P2RX1: variants seen among roughly 807,000 people sequenced by gnomAD.
P2RX1 encodes P2X purinoceptor 1.
In P2RX1, 42 loss-of-function variants were observed where a neutral mutation model predicts 50.3. That is an observed-to-expected ratio of 0.83 (90% confidence interval 0.65 to 1.08). P2RX1 has a LOEUF of 1.08. Among genes scored for constraint, P2RX1 ranks in the 50% least tolerant of loss-of-function variants. The probability of loss-of-function intolerance (pLI) is 0.00; values close to 1 mark genes in which losing one functional copy is unlikely to be tolerated. For missense variants in P2RX1, 449 were observed against 529.0 expected (o/e 0.85, Z 1.48); for synonymous variants, 199 against 202.6 (o/e 0.98, Z 0.15).
At chr17:3,899,813 T>C in intron 7 of P2RX1, 52 bp from the exon 8 acceptor site, 6 of 1,604,940 alleles carry the variant, frequency 3.7e-6, no homozygotes, top group Non-Finnish European at 4.3e-6. Context: ...CAAAAACCCC[T>C]GTCTCAGCCG....
intron 1 of P2RX1, chr17:3,915,505 G>T (rs1302152180): frequency 2.2e-6 from 1 of 456,592 alleles, no homozygotes; most frequent in South Asian, 1.5e-5. Context: ...GAGATGCCCA[G>T]AAAGGAACTA....
chr17:3,903,366 C>G lies in P2RX1; in HGVS notation c.606-23G>C. 1 of 1,613,846 alleles carries G rather than the reference C, an allele frequency of 6.2e-7. No homozygotes were observed. Among genetic ancestry groups the G allele is most frequent in the East Asian group, 2.2e-5 (1 of 44,882 alleles). On this transcript the variant is annotated intron_variant, in intron 6 of 11. Transcript: ENST00000225538. This position sits in a 1 kb window ranked among gnomAD's most constrained non-coding sequence, Gnocchi z 4.6. ...CGCCTGTGGGGGTGGAAGGTGTTGA[C>G]AGCTGCTGTGTGTCATCCGGGAGGG...
intron 1 of P2RX1, among the ~76,000 whole-genome samples, chr17:3,910,657 G>T (rs2056346965): frequency 6.6e-6 from 1 of 152,240 alleles, no homozygotes; most frequent in Non-Finnish European, 1.5e-5. Flanking sequence ...CCACAGGCAG[G>T]AGTTGACCAG....
chr17:3,909,905 C>T (rs923816942), intron 1 of P2RX1, among the ~76,000 whole-genome samples: 3 of 151,892 alleles, frequency 2.0e-5, no homozygotes, highest in African/African-American at 7.3e-5. Context: ...TCAAAAAATC[C>T]TAAGTCAAAC....
intron 1 of P2RX1, among the ~76,000 whole-genome samples, chr17:3,909,178 G>A (rs568025777): frequency 1.3e-5 from 2 of 151,956 alleles, no homozygotes; most frequent in Non-Finnish European, 2.9e-5. Context: ...CTACGGGCGC[G>A]CCCCACCACG....
rs145791019 is a variant in P2RX1 at position 3,898,586 on chromosome 17, C to T, written c.967-37G>A. ...ACCCAGGGAGAGAAGGGCTAACCGT[C>T]GGAAGGGGCCCAGCTGGAAAAGGCC... On this transcript the variant is annotated intron_variant, in intron 9 of 11. Coordinates refer to ENST00000225538, the MANE Select transcript of P2RX1 (RefSeq NM_002558.4). 8,994 of 1,534,072 alleles carry T rather than the reference C, an allele frequency of 5.9e-3. 64 individuals are homozygous for T. Among genetic ancestry groups the T allele is most frequent in the Middle Eastern group, 0.043 (256 of 5,902 alleles).
At chr17:3,900,290 TA>T (rs978782150) in intron 7 of P2RX1, among the ~76,000 whole-genome samples, 1 of 151,358 alleles carries the variant, frequency 6.6e-6, no homozygotes, top group Non-Finnish European at 1.5e-5. Context: ...CCGTCTCTAC[TA>T]AAAAATACAA....
Position 3,904,400 on chromosome 17 carries a change from C to T in P2RX1, c.358-1G>A. 1 of 1,613,524 alleles carries T rather than the reference C, an allele frequency of 6.2e-7. No homozygotes were observed. The highest frequency in any genetic ancestry group is 8.5e-7 in the Non-Finnish European group (1 of 1,179,762). ...CCTTGCATATGCCCCCTTCTGGGTG[C>T]TGGGGGAGGCAAAAGCTGCTGGTCC... On this transcript the variant is annotated splice_acceptor_variant, in intron 3 of 11. Coordinates refer to ENST00000225538, the MANE Select transcript of P2RX1 (RefSeq NM_002558.4). LOFTEE classifies it high-confidence loss of function.
At chr17:3,904,228 G>T in intron 4 of P2RX1, 102 bp downstream of exon 4, 2 of 1,225,588 alleles carry the variant, frequency 1.6e-6, no homozygotes, top group East Asian at 4.7e-5. Context: ...CGCCTCGGCG[G>T]GAGGGGTGTG....
chr17:3,916,160 C>T lies in P2RX1; in HGVS notation c.66G>A (p.Val22=), dbSNP rs2052405415. 10 of 1,613,570 alleles carry T rather than the reference C, an allele frequency of 6.2e-6. No individual in the cohort carries two copies. Among genetic ancestry groups the T allele is most frequent in the South Asian group, 2.2e-5 (2 of 91,092 alleles). Residue 22 remains valine (V), a synonymous_variant, in exon 1 of 12, where the codon GTG becomes GTA. Coordinates refer to ENST00000225538, the MANE Select transcript of P2RX1 (RefSeq NM_002558.4). The stretch of plus-strand genomic sequence containing the variant: ...CGCCCACCTTCTTATTACGCACCAG[C>T]ACCATGCGGGGGGTGTCATACTCGA... ...FLFEYDTPRM[V]LVRNKKVGVI...
intron 3 of P2RX1, chr17:3,904,605 T>G (rs938702496): frequency 7.9e-6 from 5 of 633,922 alleles, no homozygotes; most frequent in Non-Finnish European, 1.4e-5. Flanking sequence ...AGCTGCCCAC[T>G]GCCAATGTCA....
At chr17:3,899,393 A>G (rs2056094161) in intron 8 of P2RX1, among the ~76,000 whole-genome samples, 1 of 149,376 alleles carries the variant, frequency 6.7e-6, no homozygotes, top group South Asian at 2.2e-4. Context: ...AATGTCAGCA[A>G]TTTCCCCAGC....
Position 3,916,027 on chromosome 17 carries a change from G to A in P2RX1, c.137+62C>T, listed in dbSNP as rs187467256. ...CGCTGGTGTCACGCAAGGGATGTCA[G>A]AGTCTGGAGGACAGGCCCGGGGTAG... On this transcript the variant is annotated intron_variant, in intron 1 of 11. Transcript: ENST00000225538. 8.9e-5 allele frequency: 142 copies of A among 1,595,506 alleles called. No individual in the cohort carries two copies. The African/African-American group carries it at 1.6e-3, about 18-fold the overall frequency.
chr17:3,900,357 G>A (rs1313236067), intron 7 of P2RX1, among the ~76,000 whole-genome samples: 1 of 151,800 alleles, frequency 6.6e-6, no homozygotes, highest in Non-Finnish European at 1.5e-5. Flanking sequence ...GGGAGGCTGA[G>A]GCAGGAGAAT....
At position 3,899,613 on chromosome 17, in the gene P2RX1, T is replaced by A. The variant is rs200784655; in HGVS notation, c.875+21A>T. ...CGCAGGACCACAAGGAAGAATGTGCTGCTGGGGGCCTGGCAGACACCTGAA... is the reference window on the plus strand; with the variant it reads ...CGCAGGACCACAAGGAAGAATGTGCAGCTGGGGGCCTGGCAGACACCTGAA... On this transcript the variant is annotated intron_variant, in intron 8 of 11. Coordinates refer to ENST00000225538, the MANE Select transcript of P2RX1 (RefSeq NM_002558.4). 2.4e-5 allele frequency: 39 copies of A among 1,611,994 alleles called. No individual in the cohort carries two copies. The African/African-American group carries it at 4.7e-4, about 19-fold the overall frequency.
rs1452970275 is a variant in P2RX1 at position 3,914,546 on chromosome 17, G to T, written c.137+1543C>A. The stretch of plus-strand genomic sequence containing the variant: ...GAGCCGCAGGGGCAGAGAGAGGACA[G>T]CCTTCCCCCAGCCTCTTCCAGCAAG... On this transcript the variant is annotated intron_variant, in intron 1 of 11. Transcript: ENST00000225538. The surrounding 1 kb of genome is among the most constrained non-coding windows in gnomAD (Gnocchi z 4.1). 6.6e-6 allele frequency among the ~76,000 whole-genome samples: 1 copy of T among 152,140 alleles called. No homozygotes were observed. Among genetic ancestry groups the T allele is most frequent in the Non-Finnish European group, 1.5e-5 (1 of 68,002 alleles).
rs759103779 is a variant in P2RX1, at chr17:3,899,774, C to T, written c.748-13G>A. 1.9e-6 allele frequency: 3 copies of T among 1,612,764 alleles called. No individual in the cohort carries two copies. The Admixed American group carries it at 5.0e-5, about 27-fold the overall frequency. ...CAACCACTCCACCCTGCCAGGGACA[C>T]AAGTAGTTAAGATCTGGGATTTCAG... On this transcript the variant is annotated splice_polypyrimidine_tract_variant and intron_variant, in intron 7 of 11. Transcript: ENST00000225538.
rs764737772 is a variant in P2RX1, at chr17:3,898,032, C to T, written c.1111G>A (p.Ala371Thr). 1.7e-5 allele frequency: 28 copies of T among 1,613,380 alleles called. No individual in the cohort carries two copies. The highest frequency in any genetic ancestry group is 1.9e-5 in the Non-Finnish European group (22 of 1,179,894). ...ACCGCCCCTGGCCCCATGTCCTCAG[C>T]GTATTTGAACTTCTTCTGCTTGTAG... ...HYYKQKKFKY[A>T]EDMGPGAAER... is the part of the protein sequence containing the mutation. The change falls in exon 11 of 12, where the codon GCT (alanine) becomes ACT (threonine). Residue 371 changes from alanine to threonine, a missense_variant. Transcript: ENST00000225538.
Position 3,904,940 on chromosome 17 carries a change from G to A in P2RX1, c.286-11C>T. ...GAAGGAGTTGTCCCCCTAGAAGTGA[G>A]GGGCAGGGGGAGGGTGGGGTGGGCT... On this transcript the variant is annotated splice_polypyrimidine_tract_variant and intron_variant, in intron 2 of 11. Transcript: ENST00000225538. 1 of 1,498,982 alleles carries A rather than the reference G, an allele frequency of 6.7e-7. No individual in the cohort carries two copies. The highest frequency in any genetic ancestry group is 9.2e-7 in the Non-Finnish European group (1 of 1,089,448). 92.9% of individuals were successfully genotyped at this position (1,498,982 alleles called of 1,614,324 possible). A position where few individuals can be genotyped will look rare whatever the true frequency, so the allele number is the denominator to read the frequency against.
Sources: gnomAD v4.1 joint callset for allele counts (sites outside exome capture counted in the v4.1 genomes callset) on GRCh38, gnomAD v4.1.1 for gene constraint, Gnocchi (gnomAD v3.1) non-coding constraint, MANE v1.5 for transcripts, NCBI Gene and HGNC (gene_info 2026-07-23, HGNC 2026-07-21) for gene names.